The following ADGRB3 variants were observed in gnomAD, a reference collection of about 807,000 sequenced individuals.
ADGRB3 encodes brain-specific angiogenesis inhibitor 3.
Under a neutral mutation model 193.4 loss-of-function variants are expected in ADGRB3, and 37 were observed. The observed-to-expected ratio is 0.19, with a 90% CI of 0.15 to 0.25. The LOEUF (loss-of-function observed/expected upper bound fraction) is 0.25, where lower values mean the gene tolerates loss of function less well. ADGRB3 is among the 10% of genes least tolerant of loss of function. The probability of loss-of-function intolerance (pLI) is 1.00; values close to 1 mark genes in which losing one functional copy is unlikely to be tolerated. For missense variants in ADGRB3, 1,637 were observed against 1,852.9 expected (o/e 0.88, Z 2.14); for synonymous variants, 690 against 644.2 (o/e 1.07, Z -1.08).
intron 3 of ADGRB3, among the ~76,000 whole-genome samples, chr6:68,646,054 A>G (rs1368320496): frequency 2.6e-5 from 4 of 152,120 alleles, no homozygotes; most frequent in Non-Finnish European, 5.9e-5. Context: ...CTCACATTCT[A>G]TTTCAGACAT....
intron 3 of ADGRB3, among the ~76,000 whole-genome samples, chr6:68,886,106 G>A (rs1582284616): frequency 6.6e-6 from 1 of 152,158 alleles, no homozygotes; most frequent in East Asian, 1.9e-4. Context: ...TAATCAATTT[G>A]CTTGTTACAG....
intron 29 of ADGRB3, among the ~76,000 whole-genome samples, chr6:69,368,142 T>C (rs1034693028): frequency 6.6e-6 from 1 of 151,980 alleles, no homozygotes; most frequent in Non-Finnish European, 1.5e-5. Context: ...ACTTAAAGTA[T>C]AATATTAAAA....
rs572073767 is a variant in ADGRB3, at chr6:69,373,026, A to G, written c.4275+585A>G. 1.6e-3 allele frequency among the ~76,000 whole-genome samples: 236 copies of G among 152,122 alleles called. 1 individual carries two copies. The highest frequency in any genetic ancestry group is 2.7e-3 in the Non-Finnish European group (184 of 67,924). On this transcript the variant is annotated intron_variant, in intron 30 of 31. Coordinates refer to ENST00000370598, the MANE Select transcript of ADGRB3 (RefSeq NM_001704.3). ...ATTTTCATTTTCCAATTTACATTGAATTTATATTGATGCTGTAATATGTTT... is the reference window on the plus strand; with the variant it reads ...ATTTTCATTTTCCAATTTACATTGAGTTTATATTGATGCTGTAATATGTTT...
At chr6:68,963,113 C>T (rs545788196) in intron 8 of ADGRB3, among the ~76,000 whole-genome samples, 1 of 152,212 alleles carries the variant, frequency 6.6e-6, no homozygotes, top group Admixed American at 6.5e-5. Context: ...TCTCAGTGGC[C>T]CTGCTTTCAC....
chr6:69,178,281 A>T (rs779492), intron 17 of ADGRB3, among the ~76,000 whole-genome samples: 9,714 of 152,264 alleles, frequency 0.064, 450 homozygotes, highest in Non-Finnish European at 0.096. Context: ...TCAGTTTTGC[A>T]TGATAGATCT....
chr6:69,332,020 C>G, intron 23 of ADGRB3: 5 of 985,358 alleles, frequency 5.1e-6, no homozygotes, highest in Non-Finnish European at 6.0e-6. Flanking sequence ...TCACCATCTT[C>G]ATTGGCAGCA....
intron 3 of ADGRB3, among the ~76,000 whole-genome samples, chr6:68,650,202 G>A (rs764289926): frequency 2.0e-5 from 3 of 152,104 alleles, no homozygotes; most frequent in African/African-American, 2.4e-5. Flanking sequence ...TTGCAGATGG[G>A]CGCACAGAGT....
chr6:68,949,064 A>G (rs1767847473), intron 6 of ADGRB3, among the ~76,000 whole-genome samples: 1 of 152,144 alleles, frequency 6.6e-6, no homozygotes, highest in Non-Finnish European at 1.5e-5. Context: ...AATACTTTGA[A>G]TAGTAAAAAA....
At chr6:69,258,037 C>T (rs1432038376) in intron 20 of ADGRB3, among the ~76,000 whole-genome samples, 1 of 152,088 alleles carries the variant, frequency 6.6e-6, no homozygotes, top group East Asian at 1.9e-4. Flanking sequence ...CTTCCAGACC[C>T]CATTTGTCAG....
At chr6:69,023,847 G>T (rs1308956205) in intron 13 of ADGRB3, among the ~76,000 whole-genome samples, 2 of 152,150 alleles carry the variant, frequency 1.3e-5, no homozygotes, top group Non-Finnish European at 2.9e-5. Context: ...GAATTTGAGA[G>T]TCTGTCTGAG....
chr6:69,102,528 A>AG (rs1454499609), intron 17 of ADGRB3, among the ~76,000 whole-genome samples: 1 of 152,086 alleles, frequency 6.6e-6, no homozygotes, highest in African/African-American at 2.4e-5. Context: ...ATTAGGGATC[A>AG]GGGGTTGCTG....
chr6:69,167,665 A>G (rs917803050), intron 17 of ADGRB3, among the ~76,000 whole-genome samples: 22 of 152,270 alleles, frequency 1.4e-4, no homozygotes, highest in Non-Finnish European at 3.1e-4. Context: ...ATTTGCGGGT[A>G]TAAGAGCAGA....
chr6:69,070,517 A>G (rs900545763), intron 16 of ADGRB3, among the ~76,000 whole-genome samples: 1 of 152,210 alleles, frequency 6.6e-6, no homozygotes, highest in Non-Finnish European at 1.5e-5. Context: ...ACTAAAATAA[A>G]TAATAATGCA....
At chr6:69,332,264 T>C (rs1430314349) in intron 23 of ADGRB3, 2 of 985,206 alleles carry the variant, frequency 2.0e-6, no homozygotes, top group African/African-American at 3.5e-5. Context: ...ACCTTTTAAG[T>C]GAGAATAAGA....
chr6:69,034,323 A>T (rs1041473535), intron 13 of ADGRB3, among the ~76,000 whole-genome samples: 2 of 151,808 alleles, frequency 1.3e-5, no homozygotes, highest in Non-Finnish European at 2.9e-5. Flanking sequence ...CCCCCAAATA[A>T]CATCTATAGT....
chr6:69,178,129 A>G (rs752312291), intron 17 of ADGRB3, among the ~76,000 whole-genome samples: 1 of 152,182 alleles, frequency 6.6e-6, no homozygotes, highest in Non-Finnish European at 1.5e-5. Flanking sequence ...TGGTATGCAT[A>G]TATACTTGGA....
chr6:69,123,579 A>T (rs1773776263), intron 17 of ADGRB3, among the ~76,000 whole-genome samples: 1 of 152,226 alleles, frequency 6.6e-6, no homozygotes, highest in African/African-American at 2.4e-5. Context: ...TAAATGCTAT[A>T]TAGAAAGATA....
At chr6:68,889,753 C>A (rs1027326844) in intron 3 of ADGRB3, among the ~76,000 whole-genome samples, 1 of 152,072 alleles carries the variant, frequency 6.6e-6, no homozygotes, top group Non-Finnish European at 1.5e-5. Flanking sequence ...CCACCTGCCT[C>A]GGCCTCCCAA....
chr6:69,146,080 A>G (rs1423944966), intron 17 of ADGRB3, among the ~76,000 whole-genome samples: 1 of 152,110 alleles, frequency 6.6e-6, no homozygotes, highest in East Asian at 1.9e-4. Flanking sequence ...TTTTCTGCCC[A>G]AAAGCCTACT....
Sources: gnomAD v4.1 joint callset for allele counts (sites outside exome capture counted in the v4.1 genomes callset) on GRCh38, gnomAD v4.1.1 for gene constraint, MANE v1.5 for transcripts, NCBI Gene and HGNC (gene_info 2026-07-23, HGNC 2026-07-21) for gene names.